Variants in SEMA6D observed in about 807,000 individuals in gnomAD.
SEMA6D encodes semaphorin 6D.
In SEMA6D, 35 loss-of-function variants were observed where a neutral mutation model predicts 106.6. That is an observed-to-expected ratio of 0.33 (90% CI 0.25 to 0.44). The LOEUF (loss-of-function observed/expected upper bound fraction) is 0.44. Among genes scored for constraint, SEMA6D ranks in the 20% least tolerant of loss-of-function variants. The pLI is 1.00. For missense variants in SEMA6D, 1,185 were observed against 1,345.9 expected (o/e 0.88, Z 1.87); for synonymous variants, 499 against 487.7 (o/e 1.02, Z -0.31).
intron 3 of SEMA6D, among the ~76,000 whole-genome samples, chr15:47,570,861 G>A (rs906436273): frequency 2.0e-5 from 3 of 152,182 alleles, no homozygotes; most frequent in Non-Finnish European, 4.4e-5. Context: ...AGAGGCCAGG[G>A]GTGTCTCAGT....
At chr15:47,509,645 C>A (rs1236326111) in intron 3 of SEMA6D, among the ~76,000 whole-genome samples, 1 of 152,206 alleles carries the variant, frequency 6.6e-6, no homozygotes, top group Non-Finnish European at 1.5e-5. Flanking sequence ...CTTCACTCAT[C>A]CTGTTTACTT....
intron 1 of SEMA6D, among the ~76,000 whole-genome samples, chr15:47,255,526 G>T (rs185257896): frequency 5.9e-5 from 9 of 151,624 alleles, no homozygotes; most frequent in Non-Finnish European, 1.2e-4. Flanking sequence ...GTAACATTAG[G>T]TTATTAGAGA....
At chr15:47,392,309 A>G (rs187324503) in intron 1 of SEMA6D, among the ~76,000 whole-genome samples, 114 of 152,292 alleles carry the variant, frequency 7.5e-4, no homozygotes, top group African/African-American at 2.5e-3. Flanking sequence ...CTCTGGAACT[A>G]TAAATCTGTT....
intron 1 of SEMA6D, among the ~76,000 whole-genome samples, chr15:47,184,947 G>A (rs1893450695): frequency 6.6e-6 from 1 of 152,090 alleles, no homozygotes; most frequent in Admixed American, 6.5e-5. Context: ...GGGTGAGCAC[G>A]AGTACCTGGG....
At chr15:47,760,052 C>T in intron 2 of SEMA6D, 145 bp downstream of exon 2, 1 of 708,210 alleles carries the variant, frequency 1.4e-6, no homozygotes, top group East Asian at 2.7e-5. Context: ...GTAATCATTT[C>T]CTAGTGTTTG....
rs75214698 is a variant in SEMA6D at position 47,572,239 on chromosome 15, C to A, written c.-86-28626C>A. On this transcript the variant is annotated intron_variant, in intron 3 of 19. Transcript: ENST00000558014. ...GTAATAGTGGCTAGTTTCCTCTGAT[C>A]AAATGTATATCAAATGAGGTTTATA... 7.9e-5 allele frequency among the ~76,000 whole-genome samples: 12 copies of A among 152,266 alleles called. No individual in the cohort carries two copies. The East Asian group carries it at 2.3e-3, about 29-fold the overall frequency.
intron 3 of SEMA6D, among the ~76,000 whole-genome samples, chr15:47,511,139 GCTT>G (rs2044216724): frequency 6.6e-6 from 1 of 152,152 alleles, no homozygotes; most frequent in South Asian, 2.1e-4. Context: ...TGGAGCTCCT[GCTT>G]TGCAATTAAG....
At chr15:47,312,271 AC>A (rs1264492685) in intron 1 of SEMA6D, among the ~76,000 whole-genome samples, 20 of 151,846 alleles carry the variant, frequency 1.3e-4, no homozygotes, top group Non-Finnish European at 2.9e-5. Flanking sequence ...ATGTGAACTT[AC>A]AGTTCTTCCT....
In SEMA6D at chr15:47,239,169, G is replaced by A. The variant is rs117213506; in HGVS notation, c.-239+54751G>A. On this transcript the variant is annotated intron_variant, in intron 1 of 19. Coordinates refer to the SEMA6D transcript ENST00000558014. ...GAGCATGAACCCTATTGTGAACTGC[G>A]CATGCAAGGAATCAAGGTTCTGGGC... is the stretch of plus-strand genomic sequence containing the variant. 3.1e-3 allele frequency among the ~76,000 whole-genome samples: 474 copies of A among 152,260 alleles called. 1 individual carries two copies. Among genetic ancestry groups the A allele is most frequent in the Non-Finnish European group, 4.8e-3 (325 of 68,004 alleles).
chr15:47,506,972 G>A (rs1177087705), intron 3 of SEMA6D, among the ~76,000 whole-genome samples: 1 of 152,150 alleles, frequency 6.6e-6, no homozygotes, highest in African/African-American at 2.4e-5. Flanking sequence ...ATGCTACAGT[G>A]CTGCTAGTAT....
intron 2 of SEMA6D, among the ~76,000 whole-genome samples, chr15:47,436,947 TAAAAG>T (rs1230145628): frequency 3.6e-5 from 3 of 84,412 alleles, no homozygotes; most frequent in South Asian, 3.8e-4. Flanking sequence ...AAAAAAAAAA[TAAAAG>T]AAGAAAGGAA....
chr15:47,515,058 T>G (rs968152332), intron 3 of SEMA6D, among the ~76,000 whole-genome samples: 1 of 152,212 alleles, frequency 6.6e-6, no homozygotes, highest in Non-Finnish European at 1.5e-5. Context: ...CCTGGCAGCG[T>G]TCACATTGGC....
At chr15:47,471,367 C>T (rs929519624) in intron 3 of SEMA6D, among the ~76,000 whole-genome samples, 1 of 152,196 alleles carries the variant, frequency 6.6e-6, no homozygotes, top group Non-Finnish European at 1.5e-5. Context: ...CTTTCCCCCC[C>T]AGAAATGGGT....
At chr15:47,282,321 G>A (rs1354823208) in intron 1 of SEMA6D, among the ~76,000 whole-genome samples, 1 of 152,008 alleles carries the variant, frequency 6.6e-6, no homozygotes, top group Admixed American at 6.6e-5. Context: ...TATGCAGTAT[G>A]TGCTCTTTGT....
At chr15:47,358,532 G>A (rs1373998083) in intron 1 of SEMA6D, among the ~76,000 whole-genome samples, 3 of 152,156 alleles carry the variant, frequency 2.0e-5, no homozygotes, top group East Asian at 1.9e-4. Context: ...GAACTGTGAT[G>A]GTAGAAAATA....
intron 3 of SEMA6D, among the ~76,000 whole-genome samples, chr15:47,565,788 A>C (rs2142791396): frequency 6.6e-6 from 1 of 152,266 alleles, no homozygotes; most frequent in Admixed American, 6.5e-5. Context: ...TGGAAATGCA[A>C]AATATGTTTT....
At chr15:47,568,167 C>CA (rs1255184251) in intron 3 of SEMA6D, among the ~76,000 whole-genome samples, 190 of 88,444 alleles carry the variant, frequency 2.1e-3, no homozygotes, top group Middle Eastern at 0.019. Flanking sequence ...TTATGCTCAT[C>CA]AAAAAAAAAA....
At position 47,768,667 on chromosome 15, in the gene SEMA6D, C is replaced by A. The variant is rs1205210789; in HGVS notation, c.1852C>A (p.Leu618Met). The change falls in exon 18 of 19, where the codon CTG becomes ATG. Residue 618 changes from leucine to methionine, a missense_variant. Leu to Met is a conservative substitution (Grantham distance 15). Transcript: ENST00000536845. The stretch of plus-strand genomic sequence containing the variant: ...AGTGATTGATACCTGGAGACCTAAA[C>A]TGACAAGCTCTCGGAAATTTGTAGT... The part of the protein sequence containing the change: ...PKVIDTWRPK[L>M]TSSRKFVVQD... The A allele has an allele frequency of 5.6e-6, 9 of 1,613,686 alleles. No homozygotes were observed. The highest frequency in any genetic ancestry group is 6.8e-6 in the Non-Finnish European group (8 of 1,179,684).
At chr15:47,413,349 T>C (rs2140315734) in intron 2 of SEMA6D, among the ~76,000 whole-genome samples, 1 of 152,300 alleles carries the variant, frequency 6.6e-6, no homozygotes, top group South Asian at 2.1e-4. Context: ...AACCCCGTTT[T>C]GTTTAATAGG....
Sources: allele counts gnomAD v4.1 joint callset (sites outside exome capture counted in the v4.1 genomes callset), GRCh38; gene constraint gnomAD v4.1.1; transcripts MANE v1.5; gene names NCBI Gene and HGNC (gene_info 2026-07-23, HGNC 2026-07-21).